The following AFF2 variants were observed in gnomAD, a reference collection of about 807,000 sequenced individuals.
The protein encoded by AFF2 is ALF transcription elongation factor 2, also known as AF4/FMR2 family member 2.
AFF2 carries 14 observed loss-of-function variants against 76.9 expected under a neutral mutation model. The ratio of observed to expected loss-of-function variants is 0.18; its 90% CI spans 0.12 to 0.28. The LOEUF is 0.28. AFF2 is among the 10% of genes least tolerant of loss of function. The pLI is 1.00. For synonymous variants in AFF2, 398 were observed against 366.7 expected, an observed-to-expected ratio of 1.09 and a Z score of -0.98; for missense variants, 868 against 1,001.1, an observed-to-expected ratio of 0.87 and a Z score of 1.79.
chrX:148,659,450 A>G (rs959138149), intron 2 of AFF2, among the ~76,000 whole-genome samples: 1 of 112,417 alleles, frequency 8.9e-6, no homozygotes, highest in Non-Finnish European at 1.9e-5. Flanking sequence ...AGTGGTCTCT[A>G]TGACACCTAG....
intron 3 of AFF2, among the ~76,000 whole-genome samples, chrX:148,726,266 A>G (rs2055153376): frequency 8.9e-6 from 1 of 111,834 alleles, no homozygotes; most frequent in South Asian, 3.7e-4. Flanking sequence ...TCCATTTGAG[A>G]CTTAGCGTCC....
chrX:148,540,976 A>G (rs1218217858), intron 1 of AFF2, among the ~76,000 whole-genome samples: 1 of 112,096 alleles, frequency 8.9e-6, no homozygotes, highest in Non-Finnish European at 1.9e-5. Context: ...AATGTCTAAA[A>G]ATTAGAGATC....
chrX:148,692,276 A>T (rs2054661945), intron 3 of AFF2, among the ~76,000 whole-genome samples: 1 of 112,325 alleles, frequency 8.9e-6, no homozygotes, highest in Admixed American at 9.5e-5. Flanking sequence ...TCAGCATCGG[A>T]AAGTTTCAAG....
intron 1 of AFF2, among the ~76,000 whole-genome samples, chrX:148,643,411 C>T (rs1318360385): frequency 3.6e-5 from 4 of 112,025 alleles, no homozygotes; most frequent in Non-Finnish European, 7.5e-5. Context: ...CAGTTGTTTG[C>T]AGCTCTCTTG....
intron 1 of AFF2, among the ~76,000 whole-genome samples, chrX:148,648,430 C>T (rs1481605074): frequency 9.2e-6 from 1 of 108,471 alleles, no homozygotes; most frequent in Non-Finnish European, 1.9e-5. Flanking sequence ...GGCGTGGTGG[C>T]TGGTGCCTGT....
At chrX:148,877,662 G>A (rs2071050127) in intron 7 of AFF2, among the ~76,000 whole-genome samples, 1 of 112,184 alleles carries the variant, frequency 8.9e-6, no homozygotes, top group Admixed American at 9.4e-5. Context: ...CTCTGGAAAT[G>A]GGTTTGAGAA....
intron 9 of AFF2, among the ~76,000 whole-genome samples, chrX:148,913,992 G>A (rs1415438744): frequency 1.8e-5 from 2 of 112,314 alleles, no homozygotes; most frequent in Non-Finnish European, 3.8e-5. Context: ...TTAATAGAGA[G>A]ATTAGTTAAA....
rs781966693 is a variant in AFF2, at chrX:148,630,562, A to G, written c.48-21437A>G. ...CGCCCATTGCCCTCACTCCCGCCTA[A>G]CAGTAGAACGTTTAGGACGTTTCTT... is the stretch of plus-strand genomic sequence containing the variant. On this transcript the variant is annotated intron_variant, in intron 1 of 20. Coordinates refer to ENST00000370460, the MANE Select transcript of AFF2 (RefSeq NM_002025.4). Among the ~76,000 whole-genome samples the G allele has an allele frequency of 2.7e-5, 3 of 111,628 alleles. No homozygotes were observed. The East Asian group carries it at 8.6e-4, about 32-fold the overall frequency.
intron 1 of AFF2, among the ~76,000 whole-genome samples, chrX:148,583,997 C>T (rs139664682): frequency 8.9e-6 from 1 of 111,981 alleles, no homozygotes; most frequent in Non-Finnish European, 1.9e-5. Context: ...TCGCCTTACG[C>T]CTCCACCCCC....
rs183905441 is a variant in AFF2 at position 148,563,281 on chromosome X, G to T, written c.47+62137G>T. ...AATTTCATTCTACCTGCAATGGGAA[G>T]CGTTTGGAGGAGTTTAAGCATGGGC... is the stretch of plus-strand genomic sequence containing the variant. On this transcript the variant is annotated intron_variant, in intron 1 of 20. Transcript: ENST00000370460. Among the ~76,000 whole-genome samples the T allele has an allele frequency of 5.6e-3, 632 of 112,311 alleles. 4 individuals carry two copies. The highest frequency in any genetic ancestry group is 9.2e-3 in the Middle Eastern group (2 of 218).
At chrX:148,709,111 C>G (rs1302982508) in intron 3 of AFF2, among the ~76,000 whole-genome samples, 6 of 111,350 alleles carry the variant, frequency 5.4e-5, no homozygotes, top group Admixed American at 9.6e-5. Context: ...AAGAACCTTT[C>G]TATTATTGTG....
intron 3 of AFF2, among the ~76,000 whole-genome samples, chrX:148,752,956 C>T (rs375004881): frequency 2.7e-5 from 3 of 111,576 alleles, no homozygotes; most frequent in East Asian, 5.6e-4. Context: ...AATCTTTTCT[C>T]CCAGAGTCAT....
At chrX:148,512,004 G>A (rs1557233183) in intron 1 of AFF2, among the ~76,000 whole-genome samples, 1 of 112,012 alleles carries the variant, frequency 8.9e-6, no homozygotes, top group Non-Finnish European at 1.9e-5. Context: ...AAATTTTAGT[G>A]GGAGTGAAAC....
At chrX:148,776,072 G>A (rs1176822491) in intron 3 of AFF2, among the ~76,000 whole-genome samples, 3 of 110,141 alleles carry the variant, frequency 2.7e-5, no homozygotes, top group Admixed American at 1.9e-4. Context: ...ATGTGTTCTC[G>A]TTGTTCAACT....
chrX:148,784,321 C>T (rs1270816113), intron 3 of AFF2, among the ~76,000 whole-genome samples: 1 of 112,016 alleles, frequency 8.9e-6, no homozygotes, highest in East Asian at 2.8e-4. Flanking sequence ...GCCCCTAGTG[C>T]TGAGCTCTTG....
intron 4 of AFF2, among the ~76,000 whole-genome samples, chrX:148,824,321 C>T (rs1211600462): frequency 1.8e-5 from 2 of 111,512 alleles, no homozygotes. Context: ...ATTGTACAAA[C>T]TTTCAGTTAT....
intron 15 of AFF2, among the ~76,000 whole-genome samples, chrX:148,970,011 ATC>A (rs1308693100): frequency 9.0e-6 from 1 of 111,646 alleles, no homozygotes; most frequent in Non-Finnish European, 1.9e-5. Context: ...ATCTCTACAG[ATC>A]TCTCCAGCTA....
At chrX:148,709,267 T>C (rs1569553918) in intron 3 of AFF2, among the ~76,000 whole-genome samples, 1 of 111,819 alleles carries the variant, frequency 8.9e-6, no homozygotes, top group East Asian at 2.8e-4. Context: ...CCTTGCCAAA[T>C]GTGCCATTAA....
rs1364724709 is a variant in AFF2 at position 148,620,000 on chromosome X, T to C, written c.48-31999T>C. 3.6e-5 allele frequency among the ~76,000 whole-genome samples: 4 copies of C among 112,050 alleles called. No homozygotes were observed. The Admixed American group carries it at 3.8e-4, about 11-fold the overall frequency. ...AGAGTGACAGTAATTGCCACCCCAA[T>C]GTGTATGCACTTTTGAGGTTAGCTC... On this transcript the variant is annotated intron_variant, in intron 1 of 20. Transcript: ENST00000370460.
Sources: gnomAD v4.1 joint callset for allele counts (sites outside exome capture counted in the v4.1 genomes callset) on GRCh38, gnomAD v4.1.1 for gene constraint, MANE v1.5 for transcripts, NCBI Gene and HGNC (gene_info 2026-07-23, HGNC 2026-07-21) for gene names.